AKAP8: variants seen among roughly 807,000 people sequenced by gnomAD.
The protein encoded by AKAP8 is A-kinase anchoring protein 8.
Under a neutral mutation model 67.5 loss-of-function variants are expected in AKAP8, and 24 were observed. The ratio of observed to expected loss-of-function variants is 0.36; its 90% CI spans 0.26 to 0.50. The LOEUF is 0.50. AKAP8 is among the 20% of genes least tolerant of loss of function. The pLI is 0.97. For missense variants in AKAP8, 971 were observed against 955.9 expected, an observed-to-expected ratio of 1.02 and a Z score of -0.21; for synonymous variants, 400 against 371.1, an observed-to-expected ratio of 1.08 and a Z score of -0.90.
intron 9 of AKAP8, 122 bp from the exon 10 acceptor site, chr19:15,362,373 C>CTCTCCTTCTCCCCACGG: frequency 1.2e-6 from 1 of 868,258 alleles, no homozygotes; most frequent in East Asian, 2.9e-5. Flanking sequence ...CCCCCTCCCC[C>CTCTCCTTCTCCCCACGG]TCTCCCTCTC....
chr19:15,379,214 G>A lies in AKAP8; in HGVS notation c.19+499C>T, dbSNP rs1359847878. 1.9e-5 allele frequency: 3 copies of A among 154,458 alleles called. No homozygotes were observed. The East Asian group carries it at 5.7e-4, about 30-fold the overall frequency. 9.6% of individuals were successfully genotyped at this position (154,458 alleles called of 1,614,324 possible). The stretch of plus-strand genomic sequence containing the variant: ...CAGCGGAGACCCTACACGGCCCCGC[G>A]GGCCTAGGGCAGGTCGGGAGAGAGG... On this transcript the variant is annotated intron_variant, in intron 1 of 13. Coordinates refer to ENST00000269701, the MANE Select transcript of AKAP8 (RefSeq NM_005858.4).
chr19:15,366,530 C>CTTTTTTTTTTTTT (rs920471999), intron 9 of AKAP8, among the ~76,000 whole-genome samples: 1 of 142,502 alleles, frequency 7.0e-6, no homozygotes, highest in Non-Finnish European at 1.5e-5. Context: ...CAGTGATTTT[C>CTTTTTTTTTTTTT]TTTTTTTTTT....
At chr19:15,378,844 T>C (rs557247738) in intron 1 of AKAP8, among the ~76,000 whole-genome samples, 2 of 152,260 alleles carry the variant, frequency 1.3e-5, no homozygotes, top group African/African-American at 4.8e-5. Flanking sequence ...CTCGAGAAGA[T>C]CGGCCCTACT....
intron 9 of AKAP8, 147 bp downstream of exon 9, chr19:15,368,088 T>C (rs1967097122): frequency 1.1e-6 from 1 of 941,514 alleles, no homozygotes; most frequent in Non-Finnish European, 1.6e-6. Flanking sequence ...GCACTCCCAA[T>C]TGTTTACTGT....
rs937138043 is a variant in AKAP8, at chr19:15,371,948, T to C, written c.1038+4A>G. 6.2e-7 allele frequency: 1 copy of C among 1,613,884 alleles called. No homozygotes were observed. The highest frequency in any genetic ancestry group is 8.5e-7 in the Non-Finnish European group (1 of 1,179,984). ...GAGGCAAAAGGGCTGCCTGGTGGAC[T>C]TACACCCTTGAATTCTTCATCTCCT... On this transcript the variant is annotated splice_donor_region_variant and intron_variant, in intron 7 of 13. Transcript: ENST00000269701.
At position 15,379,746 on chromosome 19, in the gene AKAP8, C is replaced by T; in HGVS notation, c.-15G>A. On this transcript the variant is annotated 5_prime_UTR_variant, in exon 1 of 14. Coordinates refer to ENST00000269701, the MANE Select transcript of AKAP8 (RefSeq NM_005858.4). ...CCCTGGTCCATGTCTTCGACGCGGC[C>T]CACCAGCAGCCCCGTTTACTAGGCG... The T allele has an allele frequency of 6.2e-7, 1 of 1,611,184 alleles. No individual in the cohort carries two copies. Among genetic ancestry groups the T allele is most frequent in the Non-Finnish European group, 8.5e-7 (1 of 1,178,974 alleles).
intron 11 of AKAP8, 127 bp from the exon 12 acceptor site, chr19:15,361,105 T>TG: frequency 8.3e-7 from 1 of 1,199,776 alleles, no homozygotes; most frequent in Non-Finnish European, 1.1e-6. Context: ...TGCCTTTCTA[T>TG]GGGGAGTATG....
Position 15,353,415 on chromosome 19 carries a change from C to G in AKAP8, c.*1500G>C, listed in dbSNP as rs1397023236. ...CTGCACTACTGTTTAATGCTACCGACATTTTTGCCTTAAGAGAACAAGCTT... is the reference window on the plus strand; with the variant it reads ...CTGCACTACTGTTTAATGCTACCGAGATTTTTGCCTTAAGAGAACAAGCTT... On this transcript the variant is annotated 3_prime_UTR_variant, in exon 14 of 14. Coordinates refer to ENST00000269701, the MANE Select transcript of AKAP8 (RefSeq NM_005858.4). The G allele has an allele frequency of 1.5e-5, 1 of 67,286 alleles. No individual in the cohort carries two copies. Among genetic ancestry groups the G allele is most frequent in the Non-Finnish European group, 3.4e-5 (1 of 29,040 alleles). 4.2% of individuals were successfully genotyped at this position (67,286 alleles called of 1,614,324 possible).
At chr19:15,357,019 C>T (rs1369128890) in intron 13 of AKAP8, among the ~76,000 whole-genome samples, 4 of 151,996 alleles carry the variant, frequency 2.6e-5, no homozygotes, top group Non-Finnish European at 5.9e-5. Context: ...AGTGCAATGG[C>T]GCGATCTTGG....
At chr19:15,364,100 G>A (rs1422152277) in intron 9 of AKAP8, among the ~76,000 whole-genome samples, 65 of 39,636 alleles carry the variant, frequency 1.6e-3, no homozygotes, top group Non-Finnish European at 3.0e-3. Flanking sequence ...AAATAAATTG[G>A]CAGTGGGCAA....
chr19:15,360,696 T>C, intron 12 of AKAP8, 152 bp downstream of exon 12: 1 of 974,408 alleles, frequency 1.0e-6, no homozygotes, highest in East Asian at 3.2e-5. Flanking sequence ...TTTATAAAAA[T>C]TGAGACGAAT....
At position 15,373,966 on chromosome 19, in the gene AKAP8, T is replaced by C. The variant is rs543107450; in HGVS notation, c.191A>G (p.Asn64Ser). The C allele has an allele frequency of 2.5e-6, 4 of 1,613,688 alleles. No homozygotes were observed. Among genetic ancestry groups the C allele is most frequent in the African/African-American group, 1.3e-5 (1 of 75,010 alleles). Reference sequence around the variant, plus strand: ...GGCCCCGGCCGCCAGGCCGCCATCATTGGCCTTGGCGGCCTCCCACGAGGC... The same window carrying C: ...GGCCCCGGCCGCCAGGCCGCCATCACTGGCCTTGGCGGCCTCCCACGAGGC... ...GPASWEAAKA[N>S]DGGLAAGAPA... is the part of the protein sequence containing the mutation. Residue 64 changes from asparagine (N) to serine (S), a missense_variant, in exon 4 of 14, where the codon AAT becomes AGT. Around this residue, in one of 3 missense-constraint regions of AKAP8, gnomAD observed 763 missense variants for 745.4 expected, o/e 1.02. Coordinates refer to ENST00000269701, the MANE Select transcript of AKAP8 (RefSeq NM_005858.4).
rs1298728692 is a variant in AKAP8, at chr19:15,361,799, C to T, written c.1326G>A (p.Lys442=). 6.2e-7 allele frequency: 1 copy of T among 1,613,920 alleles called. No homozygotes were observed. Among genetic ancestry groups the T allele is most frequent in the Non-Finnish European group, 8.5e-7 (1 of 1,179,918 alleles). ...FLQEYIVNRN[K]KIEKRRQELM... Reference sequence around the variant, plus strand: ...ATTCCTGACGCCGCTTCTCAATTTTCTTATTTCTGTTTACAATGTATTCCT... The same window carrying T: ...ATTCCTGACGCCGCTTCTCAATTTTTTTATTTCTGTTTACAATGTATTCCT... The change falls in exon 11 of 14, where the codon AAG becomes AAA. Residue 442 remains lysine (K), a synonymous_variant. Coordinates refer to ENST00000269701, the MANE Select transcript of AKAP8 (RefSeq NM_005858.4).
chr19:15,362,038 T>C, intron 10 of AKAP8, 72 bp downstream of exon 10: 1 of 1,578,490 alleles, frequency 6.3e-7, no homozygotes. Context: ...CTGATTTCCC[T>C]TCCTCCTTCA....
chr19:15,363,136 G>A (rs955153584), intron 9 of AKAP8, among the ~76,000 whole-genome samples: 1 of 150,654 alleles, frequency 6.6e-6, no homozygotes, highest in African/African-American at 2.4e-5. Context: ...CGCCCCGTCT[G>A]AGAAGTAAGG....
rs112060865 is a variant in AKAP8, at chr19:15,373,588, C to T, written c.371+198G>A. ...GAGTCTCGGGGAGCTTAGCCAACAA[C>T]CACGCCCAAGCCCCGCCATGAAGAA... is the stretch of plus-strand genomic sequence containing the variant. On this transcript the variant is annotated intron_variant, in intron 4 of 13. Coordinates refer to ENST00000269701, the MANE Select transcript of AKAP8 (RefSeq NM_005858.4). 31 of 922,156 alleles carry T rather than the reference C, an allele frequency of 3.4e-5. No homozygotes were observed. The African/African-American group carries it at 4.0e-4, about 12-fold the overall frequency. 57.1% of individuals were successfully genotyped at this position (922,156 alleles called of 1,614,324 possible). A position where few individuals can be genotyped will look rare whatever the true frequency, so the allele number is the denominator to read the frequency against.
intron 2 of AKAP8, among the ~76,000 whole-genome samples, chr19:15,376,249 G>A (rs1386452806): frequency 4.6e-5 from 7 of 152,246 alleles, no homozygotes; most frequent in South Asian, 2.1e-4. Context: ...GAGGCCAGGC[G>A]TGGTGGCTCA....
intron 9 of AKAP8, among the ~76,000 whole-genome samples, chr19:15,367,185 T>C (rs1007463978): frequency 1.3e-5 from 2 of 152,248 alleles, no homozygotes; most frequent in Non-Finnish European, 2.9e-5. Flanking sequence ...GAATTACATG[T>C]GTGAGCCACG....
intron 1 of AKAP8, 150 bp from the exon 2 acceptor site, chr19:15,377,164 C>A (rs1820556083): frequency 9.6e-6 from 8 of 829,628 alleles, no homozygotes; most frequent in Non-Finnish European, 1.3e-5. Flanking sequence ...AAAGCCATCA[C>A]ACAACTGGCT....
Sources: allele counts gnomAD v4.1 joint callset (sites outside exome capture counted in the v4.1 genomes callset), GRCh38; gene constraint gnomAD v4.1.1; regional missense constraint gnomAD v4.1.1; transcripts MANE v1.5; gene names NCBI Gene and HGNC (gene_info 2026-07-23, HGNC 2026-07-21).